ALK: variants seen among roughly 807,000 people sequenced by gnomAD.
The protein encoded by ALK is ALK receptor tyrosine kinase, also known as ALK tyrosine kinase receptor.
In ALK, 74 loss-of-function variants were observed where a neutral mutation model predicts 163.1. The ratio of observed to expected loss-of-function variants is 0.45; its 90% CI spans 0.38 to 0.55. The LOEUF (loss-of-function observed/expected upper bound fraction) is 0.55. ALK is among the 20% of genes least tolerant of loss of function. ALK has a pLI of 0.00. For synonymous variants in ALK, 960 were observed against 843.2 expected (o/e 1.14, Z -2.40); for missense variants, 2,063 against 2,105.3 (o/e 0.98, Z 0.39).
rs191757405 is a variant in ALK at position 29,881,843 on chromosome 2, C to T, written c.667+38150G>A. 3.8e-3 allele frequency among the ~76,000 whole-genome samples: 581 copies of T among 152,192 alleles called. 2 individuals are homozygous for T. The highest frequency in any genetic ancestry group is 0.01 in the Middle Eastern group (3 of 294). On this transcript the variant is annotated intron_variant, in intron 1 of 28. Transcript: ENST00000389048. The stretch of plus-strand genomic sequence containing the variant: ...TATTACTTTCATTACCTGTACTCCC[C>T]CATTTTCCCTCATTTTAAACCTCAA...
At chr2:29,626,531 T>C (rs988827102) in intron 3 of ALK, among the ~76,000 whole-genome samples, 2 of 152,220 alleles carry the variant, frequency 1.3e-5, no homozygotes, top group African/African-American at 2.4e-5. Flanking sequence ...CTTTCCTTTA[T>C]AAATTACCCA....
At chr2:29,502,247 G>C (rs947370293) in intron 4 of ALK, among the ~76,000 whole-genome samples, 33 of 152,288 alleles carry the variant, frequency 2.2e-4, no homozygotes, top group African/African-American at 7.9e-4. Context: ...AGTCCCTTGA[G>C]GGTACAGACC....
chr2:29,693,434 CACAG>C (rs1206396772), intron 3 of ALK, among the ~76,000 whole-genome samples: 2 of 147,574 alleles, frequency 1.4e-5, no homozygotes, highest in Admixed American at 6.7e-5. Context: ...CACACACACA[CACAG>C]ACACACACAC....
intron 4 of ALK, among the ~76,000 whole-genome samples, chr2:29,393,323 G>A (rs1669225381): frequency 6.6e-6 from 1 of 152,168 alleles, no homozygotes; most frequent in Admixed American, 6.5e-5. Flanking sequence ...GTGAGTTGTA[G>A]AAACCAGAAG....
intron 4 of ALK, among the ~76,000 whole-genome samples, chr2:29,493,883 G>A (rs1671961095): frequency 1.3e-5 from 2 of 152,220 alleles, no homozygotes; most frequent in African/African-American, 4.8e-5. Flanking sequence ...GGACTGTCAG[G>A]ATGAAACGGC....
intron 1 of ALK, among the ~76,000 whole-genome samples, chr2:29,842,655 T>G (rs1483871082): frequency 6.6e-6 from 1 of 152,192 alleles, no homozygotes; most frequent in Non-Finnish European, 1.5e-5. Context: ...GACCACAGGC[T>G]GGGACTGGAC....
intron 3 of ALK, among the ~76,000 whole-genome samples, chr2:29,615,583 T>C (rs1343866633): frequency 1.3e-5 from 2 of 152,208 alleles, no homozygotes; most frequent in Non-Finnish European, 2.9e-5. Flanking sequence ...TTCTTATAGT[T>C]TATAGTTACT....
chr2:29,239,406 G>A (rs574204549), intron 13 of ALK, among the ~76,000 whole-genome samples: 3 of 152,282 alleles, frequency 2.0e-5, no homozygotes, highest in African/African-American at 7.2e-5. Context: ...GTGAGGGAGG[G>A]GGGGAGCCTG....
chr2:29,804,222 G>A (rs1010107979), intron 1 of ALK, among the ~76,000 whole-genome samples: 2 of 152,250 alleles, frequency 1.3e-5, no homozygotes, highest in Non-Finnish European at 2.9e-5. Flanking sequence ...ATGTTTCCAA[G>A]TGAAAGTTAA....
intron 1 of ALK, among the ~76,000 whole-genome samples, chr2:29,855,084 T>C (rs1666104035): frequency 6.6e-6 from 1 of 152,188 alleles, no homozygotes; most frequent in Non-Finnish European, 1.5e-5. Context: ...ATGTCTGTCT[T>C]ACAATGTCAC....
At chr2:29,843,322 T>A (rs1049860902) in intron 1 of ALK, among the ~76,000 whole-genome samples, 2 of 151,908 alleles carry the variant, frequency 1.3e-5, no homozygotes, top group African/African-American at 4.8e-5. Flanking sequence ...CATATACACA[T>A]AAAATTTCCT....
At position 29,343,209 on chromosome 2, in the gene ALK, A is replaced by AT. The variant is rs72225984; in HGVS notation, c.1283-14729dup. 4.5e-3 allele frequency among the ~76,000 whole-genome samples: 318 copies of AT among 70,794 alleles called. 3 individuals carry two copies. Among genetic ancestry groups the AT allele is most frequent in the Middle Eastern group, 0.029 (3 of 104 alleles). 46.4% of individuals were successfully genotyped at this position (70,794 alleles called of 152,430 possible). ...CCGATCTTTTTTTTAAAATTTAAAA[A>AT]TTTTTTTTTTTTTTTTTGAGACAGG... is the stretch of plus-strand genomic sequence containing the variant. On this transcript the variant is annotated intron_variant, in intron 5 of 28. Coordinates refer to ENST00000389048, the MANE Select transcript of ALK (RefSeq NM_004304.5).
At position 29,402,916 on chromosome 2, in the gene ALK, A is replaced by G. The variant is rs537604977; in HGVS notation, c.1155-19057T>C. ...CTTTGTTACCCCCAATTCTTTTCCC[A>G]CAAATGATTACCGAACCAGATCTCC... On this transcript the variant is annotated intron_variant, in intron 4 of 28. Transcript: ENST00000389048. 3.3e-5 allele frequency among the ~76,000 whole-genome samples: 5 copies of G among 151,898 alleles called. 1 individual carries two copies. The South Asian group carries it at 6.2e-4, about 19-fold the overall frequency.
intron 8 of ALK, among the ~76,000 whole-genome samples, chr2:29,313,000 A>T (rs1666733855): frequency 6.6e-6 from 1 of 150,986 alleles, no homozygotes; most frequent in Non-Finnish European, 1.5e-5. Flanking sequence ...TAGAGATAAC[A>T]TTACCCTGGA....
At chr2:29,739,878 A>T (rs1680003916) in intron 1 of ALK, among the ~76,000 whole-genome samples, 1 of 152,140 alleles carries the variant, frequency 6.6e-6, no homozygotes, top group Non-Finnish European at 1.5e-5. Flanking sequence ...AGTGATACAT[A>T]CCACAGCAGT....
At chr2:29,616,050 G>A (rs1008242665) in intron 3 of ALK, among the ~76,000 whole-genome samples, 3 of 152,192 alleles carry the variant, frequency 2.0e-5, no homozygotes, top group Admixed American at 2.0e-4. Flanking sequence ...GTCAGGGATG[G>A]GGAGACCCAG....
At chr2:29,576,501 T>C (rs886747707) in intron 3 of ALK, among the ~76,000 whole-genome samples, 1 of 152,228 alleles carries the variant, frequency 6.6e-6, no homozygotes, top group Non-Finnish European at 1.5e-5. Context: ...TGTTGACATT[T>C]GTCCCTCCCT....
At position 29,329,147 on chromosome 2, in the gene ALK, T is replaced by C. The variant is rs577220026; in HGVS notation, c.1283-666A>G. ...TAGATTGCTAAGGTTTGCTCTAGTC[T>C]GAAATTCCTAGATAATTAATTTTAT... On this transcript the variant is annotated intron_variant, in intron 5 of 28. Transcript: ENST00000389048. 9.8e-5 allele frequency among the ~76,000 whole-genome samples: 15 copies of C among 152,302 alleles called. No individual in the cohort carries two copies. In the South Asian group the frequency reaches 2.9e-3, roughly 29 times the overall value.
At chr2:29,914,323 T>C (rs1667777336) in intron 1 of ALK, among the ~76,000 whole-genome samples, 1 of 152,184 alleles carries the variant, frequency 6.6e-6, no homozygotes. Flanking sequence ...AGAAGCTAGT[T>C]GAATGGAGAA....
Sources: gnomAD v4.1 joint callset for allele counts (sites outside exome capture counted in the v4.1 genomes callset) on GRCh38, gnomAD v4.1.1 for gene constraint, MANE v1.5 for transcripts, NCBI Gene and HGNC (gene_info 2026-07-23, HGNC 2026-07-21) for gene names.